EIF4ENIF1: variants seen among roughly 807,000 people sequenced by gnomAD.
EIF4ENIF1 encodes the protein eukaryotic translation initiation factor 4E transporter.
A neutral mutation model predicts 110.5 loss-of-function variants in EIF4ENIF1; 23 were observed. That is an observed-to-expected ratio of 0.21 (90% CI 0.15 to 0.29). The LOEUF (loss-of-function observed/expected upper bound fraction) is 0.29. EIF4ENIF1 is among the 10% of genes least tolerant of loss of function. The probability of loss-of-function intolerance (pLI) is 1.00; values close to 1 mark genes in which losing one functional copy is unlikely to be tolerated. For synonymous variants in EIF4ENIF1, 440 were observed against 437.0 expected (o/e 1.01, Z -0.09); for missense variants, 1,031 against 1,221.1 (o/e 0.84, Z 2.32).
At chr22:31,440,982 G>T in intron 17 of EIF4ENIF1, 114 bp from the exon 18 acceptor site, 2 of 1,400,724 alleles carry the variant, frequency 1.4e-6, no homozygotes, top group Non-Finnish European at 2.0e-6. Context: ...AGGGCTCTGC[G>T]CAGTGGCTCA....
chr22:31,447,077 C>T, intron 14 of EIF4ENIF1: 2 of 433,964 alleles, frequency 4.6e-6, no homozygotes, highest in Non-Finnish European at 9.2e-6. Flanking sequence ...CTGGTAGAAA[C>T]ATCCTAAGAT....
In EIF4ENIF1 at chr22:31,463,956, G is replaced by C. The variant is rs1037094683; in HGVS notation, c.310C>G (p.Arg104Gly). Residue 104 changes from arginine to glycine, a missense_variant, in exon 5 of 19, where the codon CGT (arginine) becomes GGT (glycine). Physicochemically the swap from Arg to Gly is moderately radical, Grantham distance 125. Around this residue, in one of 3 missense-constraint regions of EIF4ENIF1, gnomAD observed 704 missense variants for 879.7 expected, o/e 0.80. Transcript: ENST00000330125. ...LVRRIVDPRERVKEDDLDVVL... is the reference protein window; with the variant it reads ...LVRRIVDPREGVKEDDLDVVL... ...ACATCTAAGTCATCTTCTTTCACACGCTCTCGTGGATCTGGAAGGACGTGG... is the reference window on the plus strand; with the variant it reads ...ACATCTAAGTCATCTTCTTTCACACCCTCTCGTGGATCTGGAAGGACGTGG... 3 of 1,611,738 alleles carry C rather than the reference G, an allele frequency of 1.9e-6. No homozygotes were observed. The highest frequency in any genetic ancestry group is 1.3e-5 in the African/African-American group (1 of 74,898).
chr22:31,438,130 A>G (rs2050200542), downstream of EIF4ENIF1, among the ~76,000 whole-genome samples: 1 of 152,068 alleles, frequency 6.6e-6, no homozygotes, highest in South Asian at 2.1e-4. Flanking sequence ...AAATCCAACC[A>G]CCTTGACCTT....
intron 4 of EIF4ENIF1, 136 bp from the exon 5 acceptor site, chr22:31,464,103 A>G (rs1454302972): frequency 3.7e-6 from 4 of 1,088,718 alleles, no homozygotes; most frequent in Non-Finnish European, 5.1e-6. Context: ...GCTTATCAGC[A>G]GATTCAGGGT....
chr22:31,445,234 G>A (rs1331019589), intron 14 of EIF4ENIF1, among the ~76,000 whole-genome samples: 2 of 152,108 alleles, frequency 1.3e-5, no homozygotes, highest in Non-Finnish European at 2.9e-5. Context: ...GCAGGGAGCG[G>A]CAATAATTAG....
At chr22:31,491,221 T>C (rs2052269572), upstream of EIF4ENIF1, among the ~76,000 whole-genome samples, 3 of 152,300 alleles carry the variant, frequency 2.0e-5, no homozygotes, top group East Asian at 3.9e-4. Flanking sequence ...AAAAACCATA[T>C]ATAACCCATA....
chr22:31,440,165 A>G (rs201377605), intron 18 of EIF4ENIF1, 44 bp from the exon 19 acceptor site: 1 of 1,613,696 alleles, frequency 6.2e-7, no homozygotes, highest in East Asian at 2.2e-5. Flanking sequence ...TGAGAAGGAA[A>G]GTTTATTAGA....
intron 15 of EIF4ENIF1, chr22:31,443,419 T>TCTGAGAAAG: frequency 4.5e-6 from 1 of 222,174 alleles, no homozygotes. Context: ...AGACCTTCCT[T>TCTGAGAAAG]GACATTTCAA....
In EIF4ENIF1 at chr22:31,463,937, A is replaced by G. The variant is rs200074650; in HGVS notation, c.329T>C (p.Leu110Ser). The G allele has an allele frequency of 1.8e-4, 291 of 1,613,652 alleles. No homozygotes were observed. Among genetic ancestry groups the G allele is most frequent in the Non-Finnish European group, 2.3e-4 (277 of 1,179,910 alleles). Residue 110 changes from leucine (L) to serine (S), a missense_variant, in exon 5 of 19, where the codon TTA (leucine) becomes TCA (serine). Transcript: ENST00000330125. ...TCTCTGAGGGCTGAGAACAACATCT[A>G]AGTCATCTTCTTTCACACGCTCTCG... Reference protein sequence around the residue: ...DPRERVKEDDLDVVLSPQRRS... With the variant: ...DPRERVKEDDSDVVLSPQRRS...
intron 15 of EIF4ENIF1, chr22:31,444,376 A>G (rs770833116): frequency 6.5e-6 from 3 of 463,956 alleles, no homozygotes; most frequent in Admixed American, 3.4e-5. Context: ...CTGGCCCATG[A>G]TCATCTCTGC....
At chr22:31,484,892 T>C (rs2051961367) in intron 2 of EIF4ENIF1, among the ~76,000 whole-genome samples, 1 of 152,194 alleles carries the variant, frequency 6.6e-6, no homozygotes, top group East Asian at 1.9e-4. Context: ...CCCGTGAACT[T>C]GAAGTGGCAG....
chr22:31,468,182 C>G lies in EIF4ENIF1; in HGVS notation c.291G>C (p.Arg97Ser). Residue 97 changes from arginine to serine, a missense_variant, in exon 4 of 19, where the codon AGG (arginine) becomes AGC (serine). Physicochemically the swap from Arg to Ser is moderately radical, Grantham distance 110. Transcript: ENST00000330125. ...LDTDRPSLVR[R>S]IVDPRERVKE... Reference sequence around the variant, plus strand: ...GAGTGACTGTGTGCTCACCTACTATCCTGCGCACCAGGGAAGGCCGGTCTG... The same window carrying G: ...GAGTGACTGTGTGCTCACCTACTATGCTGCGCACCAGGGAAGGCCGGTCTG... 1 of 1,614,068 alleles carries G rather than the reference C, an allele frequency of 6.2e-7. No homozygotes were observed. Among genetic ancestry groups the G allele is most frequent in the East Asian group, 2.2e-5 (1 of 44,882 alleles).
chr22:31,439,194 C>T (rs1220363505), downstream of EIF4ENIF1, among the ~76,000 whole-genome samples: 3 of 152,142 alleles, frequency 2.0e-5, no homozygotes, highest in Admixed American at 6.5e-5. Context: ...CCTGTAGTTC[C>T]ATCTACTTGG....
intron 12 of EIF4ENIF1, among the ~76,000 whole-genome samples, chr22:31,448,526 A>G (rs774943265): frequency 6.6e-6 from 1 of 152,216 alleles, no homozygotes; most frequent in African/African-American, 2.4e-5. Flanking sequence ...GTTATCACTA[A>G]GCCAGCTGGT....
At chr22:31,475,986 G>A (rs2051558209) in intron 2 of EIF4ENIF1, among the ~76,000 whole-genome samples, 1 of 152,084 alleles carries the variant, frequency 6.6e-6, no homozygotes, top group Admixed American at 6.6e-5. Context: ...TGGAGCAATA[G>A]TAATTATGAA....
chr22:31,472,780 G>C (rs182124327), intron 2 of EIF4ENIF1, among the ~76,000 whole-genome samples: 1 of 152,036 alleles, frequency 6.6e-6, no homozygotes, highest in East Asian at 1.9e-4. Context: ...AGGATATCTC[G>C]GGTGTCAATT....
At chr22:31,491,705 T>C (rs535965069), upstream of EIF4ENIF1, among the ~76,000 whole-genome samples, 1 of 152,222 alleles carries the variant, frequency 6.6e-6, no homozygotes, top group Admixed American at 6.5e-5. Flanking sequence ...TACAGCAGGC[T>C]AATTTTTAAC....
At position 31,439,848 on chromosome 22, in the gene EIF4ENIF1, G is replaced by C; in HGVS notation, c.*32C>G. The C allele has an allele frequency of 6.2e-7, 1 of 1,606,694 alleles. No homozygotes were observed. The highest frequency in any genetic ancestry group is 8.5e-7 in the Non-Finnish European group (1 of 1,179,290). On this transcript the variant is annotated 3_prime_UTR_variant, in exon 19 of 19. Transcript: ENST00000330125. ...GGGTCCTGCCCAGTGTGCCACCACA[G>C]GTCCGGGCTTAGTTGAGTCTGCCTG...
At position 31,489,715 on chromosome 22, in the gene EIF4ENIF1, G is replaced by A. The variant is rs1469603871; in HGVS notation, c.-49C>T. ...TTACTCGGTGCCTCCGCCGCTCGGC[G>A]GCCCTTTGCCTCGGCCGCCGCTCCC... On this transcript the variant is annotated 5_prime_UTR_variant, in exon 1 of 19. Coordinates refer to ENST00000330125, the MANE Select transcript of EIF4ENIF1 (RefSeq NM_019843.4). The A allele has an allele frequency of 1.3e-5, 2 of 151,418 alleles. No homozygotes were observed. The highest frequency in any genetic ancestry group is 1.5e-5 in the Non-Finnish European group (1 of 67,962). The allele number at this position is 151,418 out of a possible 1,614,324, so 9.4% of individuals were successfully genotyped here.
Sources: gnomAD v4.1 joint callset for allele counts (sites outside exome capture counted in the v4.1 genomes callset) on GRCh38, gnomAD v4.1.1 for gene constraint, gnomAD v4.1.1 regional missense constraint, MANE v1.5 for transcripts, NCBI Gene and HGNC (gene_info 2026-07-23, HGNC 2026-07-21) for gene names.